CNTN5: variants seen among roughly 807,000 people sequenced by gnomAD.
CNTN5 encodes the protein contactin-5.
CNTN5 carries 77 observed loss-of-function variants against 129.1 expected under a neutral mutation model. The observed-to-expected ratio is 0.60, with a 90% CI of 0.50 to 0.72. CNTN5 has a LOEUF of 0.72. Ranked by LOEUF, CNTN5 falls within the 30% of genes least tolerant of loss-of-function variation. The probability of loss-of-function intolerance (pLI) is 0.00; values close to 1 mark genes in which losing one functional copy is unlikely to be tolerated. For synonymous variants in CNTN5, 509 were observed against 465.6 expected, an observed-to-expected ratio of 1.09 and a Z score of -1.20; for missense variants, 1,478 against 1,328.8, an observed-to-expected ratio of 1.11 and a Z score of -1.75.
intron 1 of CNTN5, among the ~76,000 whole-genome samples, chr11:99,078,990 G>A (rs1021643603): frequency 6.6e-6 from 1 of 151,990 alleles, no homozygotes. Flanking sequence ...TTGAGGTGAT[G>A]GTTACCCCAT....
intron 1 of CNTN5, among the ~76,000 whole-genome samples, chr11:99,172,225 G>A (rs1861180858): frequency 6.6e-6 from 1 of 152,012 alleles, no homozygotes; most frequent in South Asian, 2.1e-4. Flanking sequence ...ACAAAAATAA[G>A]ATAATTACAC....
chr11:99,572,064 C>T (rs1438225881), intron 3 of CNTN5, among the ~76,000 whole-genome samples: 1 of 152,072 alleles, frequency 6.6e-6, no homozygotes, highest in African/African-American at 2.4e-5. Flanking sequence ...CTCAAAAAGA[C>T]AGAATTTCCA....
chr11:100,186,782 A>G (rs1205353915), intron 13 of CNTN5, among the ~76,000 whole-genome samples: 5 of 152,224 alleles, frequency 3.3e-5, no homozygotes, highest in Non-Finnish European at 7.3e-5. Context: ...TATAATGTAG[A>G]AGCCACATGG....
At chr11:99,399,391 A>T (rs538772861) in intron 2 of CNTN5, among the ~76,000 whole-genome samples, 1 of 151,832 alleles carries the variant, frequency 6.6e-6, no homozygotes, top group Non-Finnish European at 1.5e-5. Flanking sequence ...TAACTAAATT[A>T]TTGAGTAATA....
chr11:99,199,849 T>C (rs1345828736), intron 1 of CNTN5, among the ~76,000 whole-genome samples: 1 of 152,160 alleles, frequency 6.6e-6, no homozygotes, highest in African/African-American at 2.4e-5. Flanking sequence ...AGGTGAAGAA[T>C]TACAGTCTTC....
At chr11:99,991,550 A>C (rs1476227584) in intron 8 of CNTN5, among the ~76,000 whole-genome samples, 2 of 152,182 alleles carry the variant, frequency 1.3e-5, no homozygotes, top group Admixed American at 1.3e-4. Context: ...GAAATAACCA[A>C]AATAGGGAAT....
At chr11:99,173,807 A>C (rs1656878189) in intron 1 of CNTN5, among the ~76,000 whole-genome samples, 1 of 152,180 alleles carries the variant, frequency 6.6e-6, no homozygotes, top group Admixed American at 6.5e-5. Context: ...AAAATATTTA[A>C]TGGAGCCATC....
At chr11:100,342,922 A>C (rs1216162) in intron 23 of CNTN5, among the ~76,000 whole-genome samples, 111,599 of 152,096 alleles carry the variant, frequency 0.73, 42,569 homozygotes, top group East Asian at 0.98. Flanking sequence ...TTTAAACTTT[A>C]TCAGTTTTAT....
Position 100,357,669 on chromosome 11 carries a change from A to C in CNTN5, c.*1449A>C, listed in dbSNP as rs2139054776. The C allele has an allele frequency of 6.6e-6, 1 of 151,160 alleles. No individual in the cohort carries two copies. Among genetic ancestry groups the C allele is most frequent in the African/African-American group, 2.4e-5 (1 of 40,818 alleles). The allele number at this position is 151,160 out of a possible 1,614,324, so 9.4% of individuals were successfully genotyped here. ...CAAGAGAACAAAAATTGGTTTTATA[A>C]TTTTATATAATTTAAACTTGTTAAC... is the stretch of plus-strand genomic sequence containing the variant. On this transcript the variant is annotated 3_prime_UTR_variant, in exon 25 of 25. Transcript: ENST00000524871.
At chr11:99,198,250 A>G (rs2135617054) in intron 1 of CNTN5, among the ~76,000 whole-genome samples, 1 of 152,258 alleles carries the variant, frequency 6.6e-6, no homozygotes, top group East Asian at 1.9e-4. Flanking sequence ...GCAAGAAACA[A>G]CTGTCATATG....
chr11:99,236,374 G>A (rs915866153), intron 1 of CNTN5, among the ~76,000 whole-genome samples: 3 of 152,012 alleles, frequency 2.0e-5, no homozygotes, highest in Non-Finnish European at 2.9e-5. Flanking sequence ...GATATGCAGA[G>A]CTACTAGCCT....
chr11:99,683,189 C>T (rs1432633154), intron 3 of CNTN5, among the ~76,000 whole-genome samples: 2 of 151,584 alleles, frequency 1.3e-5, no homozygotes, highest in Admixed American at 1.3e-4. Flanking sequence ...ATTGTTAGTA[C>T]TTCTCTATCA....
intron 3 of CNTN5, among the ~76,000 whole-genome samples, chr11:99,717,961 A>C (rs1943036575): frequency 6.6e-6 from 1 of 152,096 alleles, no homozygotes; most frequent in African/African-American, 2.4e-5. Flanking sequence ...AAACCTTACC[A>C]CTTCGTCCTG....
At chr11:99,631,218 G>T in intron 3 of CNTN5, among the ~76,000 whole-genome samples, 1 of 151,976 alleles carries the variant, frequency 6.6e-6, no homozygotes, top group East Asian at 1.9e-4. Context: ...TAAATTTCTA[G>T]AAACATAGAA....
chr11:99,895,575 C>T (rs1411999061), intron 6 of CNTN5, among the ~76,000 whole-genome samples: 1 of 152,148 alleles, frequency 6.6e-6, no homozygotes. Flanking sequence ...GGAATGAAGC[C>T]ATGAAGCTGA....
rs534529344 is a variant in CNTN5, at chr11:100,133,496, TTATCTC to T, written c.1581-57627_1581-57622del. On this transcript the variant is annotated intron_variant, in intron 13 of 24. Transcript: ENST00000524871. Reference sequence around the variant, plus strand: ...AAGTTGAAAAATTCAGACTCCCTGTTTATCTCTAGCAACACAGCTACAAAGAAAATA... The same window carrying T: ...AAGTTGAAAAATTCAGACTCCCTGTTTAGCAACACAGCTACAAAGAAAATA... Among the ~76,000 whole-genome samples the T allele has an allele frequency of 4.3e-4, 65 of 152,284 alleles. No individual in the cohort carries two copies. In the South Asian group the frequency reaches 5.4e-3, roughly 13 times the overall value.
intron 2 of CNTN5, among the ~76,000 whole-genome samples, chr11:99,448,804 G>T (rs969889541): frequency 2.3e-5 from 3 of 128,550 alleles, no homozygotes; most frequent in Admixed American, 7.8e-5. Flanking sequence ...TTGAGACAGG[G>T]TCATCTTTTG....
At position 100,297,682 on chromosome 11, in the gene CNTN5, T is replaced by C. The variant is rs1458359124; in HGVS notation, c.2372T>C (p.Val791Ala). ...SGRSGRRHEL[V>A]IAWEPVSEEF... ...AGAAGTGGAAGAAGGCATGAGTTAGTCATTGCCTGGGAGGTAAGAAAAACA... is the reference window on the plus strand; with the variant it reads ...AGAAGTGGAAGAAGGCATGAGTTAGCCATTGCCTGGGAGGTAAGAAAAACA... The change falls in exon 19 of 25, where the codon GTC (valine) becomes GCC (alanine). Residue 791 changes from valine (V) to alanine (A), a missense_variant. Val to Ala is a moderately conservative substitution (Grantham distance 64, BLOSUM62 0). Transcript: ENST00000524871. The C allele has an allele frequency of 1.9e-6, 3 of 1,602,154 alleles. No homozygotes were observed. Among genetic ancestry groups the C allele is most frequent in the Non-Finnish European group, 8.5e-7 (1 of 1,173,078 alleles).
chr11:99,054,210 T>C (rs1031871080), intron 1 of CNTN5, among the ~76,000 whole-genome samples: 1 of 151,902 alleles, frequency 6.6e-6, no homozygotes, highest in African/African-American at 2.4e-5. Context: ...CTCAACCTAA[T>C]GGCTGGCTGT....
Sources: allele counts gnomAD v4.1 joint callset (sites outside exome capture counted in the v4.1 genomes callset), GRCh38; gene constraint gnomAD v4.1.1; transcripts MANE v1.5; gene names NCBI Gene and HGNC (gene_info 2026-07-23, HGNC 2026-07-21).